The following TTC6 variants were observed in gnomAD, a reference collection of about 807,000 sequenced individuals.
The protein encoded by TTC6 is tetratricopeptide repeat domain 6.
TTC6 carries 172 observed loss-of-function variants against 210.4 expected under a neutral mutation model. The observed-to-expected ratio is 0.82, with a 90% confidence interval of 0.72 to 0.93. TTC6 has a LOEUF of 0.93. Ranked by LOEUF, TTC6 falls within the 40% of genes least tolerant of loss-of-function variation. The probability of loss-of-function intolerance (pLI) is 0.00; values close to 1 mark genes in which losing one functional copy is unlikely to be tolerated. For missense variants in TTC6, 2,414 were observed against 2,318.1 expected (o/e 1.04, Z -0.85); for synonymous variants, 804 against 819.6 (o/e 0.98, Z 0.32).
chr14:37,720,916 C>T (rs1411863010), intron 6 of TTC6, among the ~76,000 whole-genome samples: 1 of 151,952 alleles, frequency 6.6e-6, no homozygotes, highest in African/African-American at 2.4e-5. Flanking sequence ...TGTTTCATGT[C>T]AACATGTTGT....
At chr14:37,809,876 G>T (rs551945818) in intron 24 of TTC6, among the ~76,000 whole-genome samples, 2 of 152,206 alleles carry the variant, frequency 1.3e-5, no homozygotes, top group African/African-American at 4.8e-5. Context: ...TCAGTGTAGT[G>T]TCCCATCCTC....
chr14:37,627,406 A>G (rs1451032754), intron 1 of TTC6, among the ~76,000 whole-genome samples: 2 of 152,036 alleles, frequency 1.3e-5, no homozygotes, highest in Non-Finnish European at 2.9e-5. Context: ...TGCGCCCATC[A>G]ACCCATCATC....
intron 14 of TTC6, among the ~76,000 whole-genome samples, chr14:37,769,482 C>A (rs575422630): frequency 2.2e-4 from 34 of 152,204 alleles, no homozygotes; most frequent in African/African-American, 7.5e-4. Flanking sequence ...ATTTCAGCTC[C>A]TGTTATTGGT....
intron 16 of TTC6, 93 bp downstream of exon 18, chr14:37,790,930 T>A: frequency 9.1e-7 from 1 of 1,096,134 alleles, no homozygotes; most frequent in Non-Finnish European, 1.3e-6. Context: ...TCATCATTGA[T>A]AACCTAGAAA....
At chr14:37,716,573 C>A (rs2095853118) in intron 6 of TTC6, among the ~76,000 whole-genome samples, 1 of 152,000 alleles carries the variant, frequency 6.6e-6, no homozygotes, top group Non-Finnish European at 1.5e-5. Context: ...AAAGAAAGTT[C>A]TCAGAGACAC....
intron 14 of TTC6, among the ~76,000 whole-genome samples, chr14:37,779,516 T>G (rs2096048172): frequency 6.6e-6 from 1 of 152,200 alleles, no homozygotes; most frequent in Non-Finnish European, 1.5e-5. Flanking sequence ...CTATAGTGAC[T>G]ACTATATTTC....
chr14:37,616,284 T>G (rs1231570052), intron 2 of TTC6, among the ~76,000 whole-genome samples: 1 of 152,196 alleles, frequency 6.6e-6, no homozygotes, highest in Non-Finnish European at 1.5e-5. Flanking sequence ...CTTTCCCTGA[T>G]TCTTCTGGCT....
chr14:37,766,249 C>T (rs2095998981), intron 14 of TTC6, among the ~76,000 whole-genome samples: 1 of 152,038 alleles, frequency 6.6e-6, no homozygotes, highest in African/African-American at 2.4e-5. Context: ...GGTACATATG[C>T]ACATTTATGA....
At chr14:37,616,152 C>T (rs775136734) in intron 2 of TTC6, among the ~76,000 whole-genome samples, 1 of 152,142 alleles carries the variant, frequency 6.6e-6, no homozygotes. Flanking sequence ...CCTGCATATA[C>T]GTGAATCAAA....
upstream of TTC6, among the ~76,000 whole-genome samples, chr14:37,621,188 A>C (rs990480409): frequency 6.6e-6 from 1 of 152,216 alleles, no homozygotes; most frequent in Non-Finnish European, 1.5e-5. Context: ...ACAGCTGTCT[A>C]GCCACAAGAA....
At chr14:37,684,755 T>G (rs187256769) in intron 3 of TTC6, among the ~76,000 whole-genome samples, 3 of 152,292 alleles carry the variant, frequency 2.0e-5, no homozygotes, top group Admixed American at 2.0e-4. Context: ...TGTGGACATT[T>G]GAGTCCATAA....
intron 1 of TTC6, among the ~76,000 whole-genome samples, chr14:37,679,390 T>C (rs139286215): frequency 6.6e-6 from 1 of 152,240 alleles, no homozygotes; most frequent in Admixed American, 6.5e-5. Context: ...GAGTGTACTA[T>C]CTTCTTGCCA....
intron 5 of TTC6, among the ~76,000 whole-genome samples, chr14:37,714,027 G>A (rs1024066797): frequency 6.6e-6 from 1 of 152,114 alleles, no homozygotes; most frequent in Non-Finnish European, 1.5e-5. Context: ...ACAGTTAAGT[G>A]TTATAATACA....
chr14:37,645,128 T>C lies in TTC6; in HGVS notation c.939+22125T>C, dbSNP rs569545790. 2.0e-5 allele frequency among the ~76,000 whole-genome samples: 3 copies of C among 152,340 alleles called. No individual in the cohort carries two copies. In the East Asian group the frequency reaches 5.8e-4, roughly 29 times the overall value. ...TTTCCCCACATCCTCACCAGCTTTGTGCATTATGGTACTTTTCACTCTTTG... is the reference window on the plus strand; with the variant it reads ...TTTCCCCACATCCTCACCAGCTTTGCGCATTATGGTACTTTTCACTCTTTG... On this transcript the variant is annotated intron_variant, in intron 1 of 30. Transcript: ENST00000553443.
intron 1 of TTC6, among the ~76,000 whole-genome samples, chr14:37,638,494 A>G (rs2095685282): frequency 6.6e-6 from 1 of 152,074 alleles, no homozygotes; most frequent in South Asian, 2.1e-4. Flanking sequence ...ACCTCAGGTG[A>G]TCTACCCGCC....
intron 30 of TTC6, 148 bp downstream of exon 32, chr14:37,841,818 G>A (rs1372883537): frequency 3.3e-5 from 23 of 704,412 alleles, no homozygotes; most frequent in South Asian, 1.1e-4. Context: ...TAATATAATC[G>A]ATATAGGTTC....
chr14:37,701,159 T>C (rs1375973639), intron 4 of TTC6, among the ~76,000 whole-genome samples, 173 bp from the exon 7 acceptor site: 3 of 152,154 alleles, frequency 2.0e-5, no homozygotes, highest in African/African-American at 7.2e-5. Context: ...CTCTGGACAA[T>C]GGCCTGAGAT....
At chr14:37,803,330 T>C (rs554410056) in intron 20 of TTC6, among the ~76,000 whole-genome samples, 22 of 152,302 alleles carry the variant, frequency 1.4e-4, no homozygotes, top group Admixed American at 1.4e-3. Context: ...GAGCATATAG[T>C]TAAAAAAATT....
intron 29 of TTC6, among the ~76,000 whole-genome samples, chr14:37,833,369 T>C (rs1595334823): frequency 6.6e-6 from 1 of 152,202 alleles, no homozygotes; most frequent in Non-Finnish European, 1.5e-5. Flanking sequence ...TATAATGACA[T>C]TGTTAGTCTC....
Sources: allele counts gnomAD v4.1 joint callset (sites outside exome capture counted in the v4.1 genomes callset), GRCh38; gene constraint gnomAD v4.1.1; transcripts MANE v1.5; gene names NCBI Gene and HGNC (gene_info 2026-07-23, HGNC 2026-07-21).